GMDS: variants seen among roughly 807,000 people sequenced by gnomAD.
GMDS encodes the protein GDP-mannose 4,6 dehydratase.
GMDS carries 20 observed loss-of-function variants against 49.9 expected under a neutral mutation model. The observed-to-expected ratio is 0.40, with a 90% confidence interval of 0.28 to 0.58. The LOEUF is 0.58. GMDS is among the 20% of genes least tolerant of loss of function. GMDS has a pLI of 0.42. For missense variants in GMDS, 362 were observed against 481.4 expected (o/e 0.75, Z 2.32); for synonymous variants, 177 against 178.6 (o/e 0.99, Z 0.07).
intron 9 of GMDS, among the ~76,000 whole-genome samples, chr6:1,675,510 A>T (rs1192923390): frequency 6.6e-6 from 1 of 152,032 alleles, no homozygotes; most frequent in Non-Finnish European, 1.5e-5. Context: ...GGACATCCTT[A>T]CCTTGTTCCT....
chr6:2,206,206 C>G (rs148402880), intron 1 of GMDS, among the ~76,000 whole-genome samples: 6,314 of 151,794 alleles, frequency 0.042, 385 homozygotes, highest in East Asian at 0.26. Flanking sequence ...TGTGGTGAGC[C>G]AAGATCACAC....
At chr6:2,060,462 C>A (rs1771078757) in intron 4 of GMDS, among the ~76,000 whole-genome samples, 1 of 152,148 alleles carries the variant, frequency 6.6e-6, no homozygotes, top group Admixed American at 6.5e-5. Context: ...TCATTCAAAT[C>A]ATGATGACTG....
chr6:1,984,697 T>C (rs1441185396), intron 4 of GMDS, among the ~76,000 whole-genome samples: 2 of 152,210 alleles, frequency 1.3e-5, no homozygotes, highest in African/African-American at 2.4e-5. Flanking sequence ...TCTTTCTAAA[T>C]TGTAAAACCT....
At chr6:2,205,889 G>T (rs1779786468) in intron 1 of GMDS, among the ~76,000 whole-genome samples, 1 of 152,240 alleles carries the variant, frequency 6.6e-6, no homozygotes, top group South Asian at 2.1e-4. Context: ...TCTGTTTCAT[G>T]ATAAGTCAGT....
intron 7 of GMDS, among the ~76,000 whole-genome samples, chr6:1,921,879 A>G (rs1761731785): frequency 6.6e-6 from 1 of 152,238 alleles, no homozygotes; most frequent in South Asian, 2.1e-4. Flanking sequence ...ACAGAAGGCT[A>G]GAAGATTTTT....
intron 4 of GMDS, among the ~76,000 whole-genome samples, chr6:2,032,079 T>C (rs1304878572): frequency 6.6e-6 from 1 of 152,178 alleles, no homozygotes; most frequent in Non-Finnish European, 1.5e-5. Context: ...GTGTAGAAGT[T>C]AGAACCTCTC....
rs753287151 is a variant in GMDS at position 1,899,151 on chromosome 6, G to A, written c.771+30952C>T. 1.6e-4 allele frequency among the ~76,000 whole-genome samples: 24 copies of A among 152,282 alleles called. 1 individual carries two copies. In the Middle Eastern group the frequency reaches 0.017, roughly 108 times the overall value. ...TTTTCTCCATCCATCCTGCCCGTCT[G>A]TCTGGGGAGCTGGTAAGATATCTCT... On this transcript the variant is annotated intron_variant, in intron 7 of 10. Coordinates refer to ENST00000380815, the MANE Select transcript of GMDS (RefSeq NM_001500.4).
rs189071221 is a variant in GMDS at position 2,118,568 on chromosome 6, T to C, written c.148-1012A>G. On this transcript the variant is annotated intron_variant, in intron 2 of 10. Transcript: ENST00000380815. ...GGTAAATTATAAGAATATAAGACTT[T>C]CTTTCAAACAGAAAGAAATGTCATC... 4.7e-4 allele frequency among the ~76,000 whole-genome samples: 71 copies of C among 152,326 alleles called. 1 individual carries two copies. The highest frequency in any genetic ancestry group is 3.1e-3 in the Admixed American group (48 of 15,306).
chr6:2,212,868 T>G (rs1037530810), intron 1 of GMDS, among the ~76,000 whole-genome samples: 1 of 152,190 alleles, frequency 6.6e-6, no homozygotes, highest in African/African-American at 2.4e-5. Flanking sequence ...CAGTATTTTC[T>G]GAATGGTTAC....
At chr6:2,125,192 C>G (rs975398685) in intron 1 of GMDS, among the ~76,000 whole-genome samples, 1 of 152,150 alleles carries the variant, frequency 6.6e-6, no homozygotes, top group Non-Finnish European at 1.5e-5. Flanking sequence ...AATCCTGGTA[C>G]TTTGGGAGGT....
intron 4 of GMDS, among the ~76,000 whole-genome samples, chr6:2,065,724 A>G (rs925293795): frequency 1.7e-4 from 26 of 152,136 alleles, no homozygotes; most frequent in Non-Finnish European, 3.5e-4. Context: ...TTAGAGAAAA[A>G]AGAATAAAAA....
At chr6:2,237,321 A>G (rs1430039785) in intron 1 of GMDS, among the ~76,000 whole-genome samples, 2 of 152,226 alleles carry the variant, frequency 1.3e-5, no homozygotes, top group African/African-American at 4.8e-5. Context: ...ACTGCCAAGA[A>G]CATTACTGAT....
intron 7 of GMDS, among the ~76,000 whole-genome samples, chr6:1,893,193 C>CTTTT (rs1197199049): frequency 2.4e-5 from 3 of 127,490 alleles, no homozygotes; most frequent in Non-Finnish European, 4.9e-5. Flanking sequence ...TTTTTGTTTT[C>CTTTT]TTTTTTTTTT....
rs1763292328 is a variant in GMDS at position 1,640,354 on chromosome 6, G to A, written c.988-15814C>T. ...ACACTAGATTCACCACGTTTGAGGTGGCTTGGTGTCCTCATCCTCAGGCAT... is the reference window on the plus strand; with the variant it reads ...ACACTAGATTCACCACGTTTGAGGTAGCTTGGTGTCCTCATCCTCAGGCAT... On this transcript the variant is annotated intron_variant, in intron 9 of 10. Transcript: ENST00000380815. The surrounding 1 kb of genome is among the most constrained non-coding windows in gnomAD (Gnocchi z 4.0). Among the ~76,000 whole-genome samples the A allele has an allele frequency of 6.6e-6, 1 of 152,194 alleles. No homozygotes were observed. The highest frequency in any genetic ancestry group is 2.4e-5 in the African/African-American group (1 of 41,452).
At chr6:2,098,302 C>T (rs1292730914) in intron 4 of GMDS, among the ~76,000 whole-genome samples, 1 of 152,212 alleles carries the variant, frequency 6.6e-6, no homozygotes, top group Non-Finnish European at 1.5e-5. Context: ...AGTCGATCCA[C>T]CTGCCTCAGC....
intron 9 of GMDS, among the ~76,000 whole-genome samples, chr6:1,724,352 G>A (rs146131417): frequency 3.3e-5 from 5 of 152,172 alleles, no homozygotes; most frequent in Admixed American, 2.0e-4. Context: ...ATGCGGCGTC[G>A]GTCACGGCAG....
intron 6 of GMDS, among the ~76,000 whole-genome samples, chr6:1,958,845 G>C (rs1346684502): frequency 6.6e-6 from 1 of 152,166 alleles, no homozygotes; most frequent in African/African-American, 2.4e-5. Flanking sequence ...TTCTTGGAAG[G>C]CTTACAGATA....
intron 7 of GMDS, among the ~76,000 whole-genome samples, chr6:1,843,206 T>C (rs1285028956): frequency 6.6e-6 from 1 of 152,180 alleles, no homozygotes. Flanking sequence ...GTACAGATTA[T>C]GAGGGTTATG....
chr6:2,048,241 G>A (rs928617708), intron 4 of GMDS, among the ~76,000 whole-genome samples: 1 of 152,134 alleles, frequency 6.6e-6, no homozygotes. Context: ...TGTTTTAGAA[G>A]GCTAATTATT....
Sources: allele counts gnomAD v4.1 joint callset (sites outside exome capture counted in the v4.1 genomes callset), GRCh38; gene constraint gnomAD v4.1.1; non-coding constraint Gnocchi (gnomAD v3.1); transcripts MANE v1.5; gene names NCBI Gene and HGNC (gene_info 2026-07-23, HGNC 2026-07-21).